Variants in CNTNAP2 observed in about 807,000 individuals in gnomAD.
CNTNAP2 encodes the protein contactin-associated protein-like 2.
Under a neutral mutation model 155.2 loss-of-function variants are expected in CNTNAP2, and 98 were observed. The ratio of observed to expected loss-of-function variants is 0.63; its 90% CI spans 0.54 to 0.75. The LOEUF (loss-of-function observed/expected upper bound fraction) is 0.75, where lower values mean the gene tolerates loss of function less well. CNTNAP2 is among the 30% of genes least tolerant of loss of function. CNTNAP2 has a pLI of 0.00. For synonymous variants in CNTNAP2, 651 were observed against 631.2 expected (o/e 1.03, Z -0.47); for missense variants, 1,727 against 1,688.1 (o/e 1.02, Z -0.40).
intron 2 of CNTNAP2, among the ~76,000 whole-genome samples, chr7:146,813,168 A>G (rs1241463229): frequency 1.3e-5 from 2 of 152,192 alleles, no homozygotes; most frequent in Non-Finnish European, 2.9e-5. Flanking sequence ...CCACTGGGGC[A>G]CTGCCTAGTG....
chr7:146,251,233 C>G (rs1799751716), intron 1 of CNTNAP2, among the ~76,000 whole-genome samples: 1 of 152,042 alleles, frequency 6.6e-6, no homozygotes, highest in South Asian at 2.1e-4. Flanking sequence ...TACCCTGATT[C>G]ATTGAAACTT....
At position 146,801,666 on chromosome 7, in the gene CNTNAP2, C is replaced by A. The variant is rs114146364; in HGVS notation, c.208+27285C>A. ...CATAATAAAGAACTGAGGCATGACACTCATTTTATTATTTTTAATTGTTTT... is the reference window on the plus strand; with the variant it reads ...CATAATAAAGAACTGAGGCATGACAATCATTTTATTATTTTTAATTGTTTT... On this transcript the variant is annotated intron_variant, in intron 2 of 23. Coordinates refer to ENST00000361727, the MANE Select transcript of CNTNAP2 (RefSeq NM_014141.6). 1.2e-3 allele frequency among the ~76,000 whole-genome samples: 185 copies of A among 152,250 alleles called. 2 individuals carry two copies. The highest frequency in any genetic ancestry group is 2.7e-3 in the African/African-American group (114 of 41,552).
intron 1 of CNTNAP2, among the ~76,000 whole-genome samples, chr7:146,276,743 A>C (rs1024044692): frequency 2.0e-5 from 3 of 152,162 alleles, no homozygotes; most frequent in African/African-American, 7.2e-5. Flanking sequence ...CTGAGGTGAA[A>C]GAGTATGAAA....
chr7:147,121,144 A>G lies in CNTNAP2; in HGVS notation c.920A>G (p.Tyr307Cys), dbSNP rs983707393. Reference sequence around the variant, plus strand: ...TTCCGTACCAATGGAGAGTTTGACTACCTGGACTTGGACTATGAGGTACAT... The same window carrying G: ...TTCCGTACCAATGGAGAGTTTGACTGCCTGGACTTGGACTATGAGGTACAT... ...QHFRTNGEFDYLDLDYEITFG... is the reference protein window; with the variant it reads ...QHFRTNGEFDCLDLDYEITFG... The change falls in exon 6 of 24, where the codon TAC (tyrosine) becomes TGC (cysteine). Residue 307 changes from tyrosine (Y) to cysteine (C), a missense_variant. Physicochemically the swap from Tyr to Cys is radical, Grantham distance 194. Transcript: ENST00000361727. 3 of 1,614,032 alleles carry G rather than the reference A, an allele frequency of 1.9e-6. No individual in the cohort carries two copies. Among genetic ancestry groups the G allele is most frequent in the African/African-American group, 1.3e-5 (1 of 74,928 alleles).
rs1171872278 is a variant in CNTNAP2, at chr7:147,253,304, C to A, written c.1349-46837C>A. ...ACCCAGAAGCACCATTTTTAACAAA[C>A]CTGGGTTCCCTAGCCACGTAGAAGC... On this transcript the variant is annotated intron_variant, in intron 8 of 23. Coordinates refer to ENST00000361727, the MANE Select transcript of CNTNAP2 (RefSeq NM_014141.6). Among the ~76,000 whole-genome samples the A allele has an allele frequency of 7.3e-5, 11 of 151,598 alleles. No individual in the cohort carries two copies. In the East Asian group the frequency reaches 1.8e-3, roughly 24 times the overall value.
At chr7:146,495,030 A>G (rs936239444) in intron 1 of CNTNAP2, among the ~76,000 whole-genome samples, 1 of 152,214 alleles carries the variant, frequency 6.6e-6, no homozygotes, top group Non-Finnish European at 1.5e-5. Context: ...AGCAGAAGCC[A>G]TGGAGTTTTA....
intron 1 of CNTNAP2, among the ~76,000 whole-genome samples, chr7:146,679,293 A>C (rs921621690): frequency 1.3e-5 from 2 of 150,762 alleles, no homozygotes; most frequent in African/African-American, 2.4e-5. Flanking sequence ...TAGTTTGCTA[A>C]GGATTATGGC....
chr7:146,639,989 T>C (rs1370278347), intron 1 of CNTNAP2, among the ~76,000 whole-genome samples: 2 of 152,204 alleles, frequency 1.3e-5, no homozygotes, highest in South Asian at 4.1e-4. Flanking sequence ...TGTGCATTTT[T>C]AAAGATGGGG....
At chr7:147,088,598 A>G (rs1184571092) in intron 4 of CNTNAP2, among the ~76,000 whole-genome samples, 7 of 152,200 alleles carry the variant, frequency 4.6e-5, no homozygotes, top group East Asian at 3.9e-4. Flanking sequence ...GTATGTAACT[A>G]AAGGGCTGGT....
At chr7:146,571,203 T>G (rs1798434996) in intron 1 of CNTNAP2, among the ~76,000 whole-genome samples, 1 of 152,138 alleles carries the variant, frequency 6.6e-6, no homozygotes, top group African/African-American at 2.4e-5. Flanking sequence ...GTACTCAAAA[T>G]AATACTGTTG....
At chr7:148,075,144 A>T (rs1803460423) in intron 15 of CNTNAP2, among the ~76,000 whole-genome samples, 1 of 152,048 alleles carries the variant, frequency 6.6e-6, no homozygotes, top group South Asian at 2.1e-4. Context: ...TTTCAGTATA[A>T]AAAAAAATTA....
At chr7:147,628,836 A>G (rs185863603) in intron 12 of CNTNAP2, among the ~76,000 whole-genome samples, 14 of 150,724 alleles carry the variant, frequency 9.3e-5, no homozygotes, top group Middle Eastern at 3.4e-3. Flanking sequence ...TTCTTCTACC[A>G]GGAAAAAACA....
chr7:147,072,233 G>A (rs1799906156), intron 4 of CNTNAP2, among the ~76,000 whole-genome samples: 1 of 152,066 alleles, frequency 6.6e-6, no homozygotes, highest in Non-Finnish European at 1.5e-5. Context: ...TGTGGCTGCA[G>A]CACCGAGATT....
In CNTNAP2 at chr7:146,519,631, G is replaced by A. The variant is rs527415597; in HGVS notation, c.98-254640G>A. Reference sequence around the variant, plus strand: ...AGTTCATTGTTGCAGATTGTCTGATGTTGACTTTCAGAAGTGAACTGAAAT... The same window carrying A: ...AGTTCATTGTTGCAGATTGTCTGATATTGACTTTCAGAAGTGAACTGAAAT... On this transcript the variant is annotated intron_variant, in intron 1 of 23. Coordinates refer to ENST00000361727, the MANE Select transcript of CNTNAP2 (RefSeq NM_014141.6). Among the ~76,000 whole-genome samples the A allele has an allele frequency of 5.9e-5, 9 of 151,958 alleles. No individual in the cohort carries two copies. In the South Asian group the frequency reaches 1.0e-3, roughly 17 times the overall value.
chr7:146,748,191 G>A lies in CNTNAP2; in HGVS notation c.98-26080G>A, dbSNP rs920718288. Among the ~76,000 whole-genome samples, 21 of 137,826 alleles carry A rather than the reference G, an allele frequency of 1.5e-4. No homozygotes were observed. The Admixed American group carries it at 1.6e-3, about 11-fold the overall frequency. 90.4% of individuals were successfully genotyped at this position (137,826 alleles called of 152,430 possible). On this transcript the variant is annotated intron_variant, in intron 1 of 23. Coordinates refer to ENST00000361727, the MANE Select transcript of CNTNAP2 (RefSeq NM_014141.6). ...GAAGGCGTCTTGCTCTGTCACCCAG[G>A]CTGGAGTACAGTGGTCGAATCTCAG...
intron 9 of CNTNAP2, among the ~76,000 whole-genome samples, chr7:147,370,833 A>G (rs2047576302): frequency 6.6e-6 from 1 of 152,180 alleles, no homozygotes; most frequent in African/African-American, 2.4e-5. Flanking sequence ...TTAGAAATTA[A>G]GCTGCATTTA....
chr7:146,246,309 A>G (rs534155027), intron 1 of CNTNAP2, among the ~76,000 whole-genome samples: 123 of 150,794 alleles, frequency 8.2e-4, no homozygotes, highest in East Asian at 7.2e-3. Flanking sequence ...TGTAGCTGTA[A>G]TCCAGGAATA....
chr7:146,797,221 A>G (rs1802787183), intron 2 of CNTNAP2, among the ~76,000 whole-genome samples: 1 of 152,222 alleles, frequency 6.6e-6, no homozygotes, highest in African/African-American at 2.4e-5. Flanking sequence ...AAATCTTATT[A>G]GTTTTCTGTT....
intron 1 of CNTNAP2, among the ~76,000 whole-genome samples, chr7:146,582,986 C>A (rs1289346093): frequency 2.6e-5 from 4 of 151,086 alleles, no homozygotes; most frequent in African/African-American, 9.7e-5. Context: ...GATAACGAGG[C>A]AACACTATGG....
Sources: allele counts gnomAD v4.1 joint callset (sites outside exome capture counted in the v4.1 genomes callset), GRCh38; gene constraint gnomAD v4.1.1; transcripts MANE v1.5; gene names NCBI Gene and HGNC (gene_info 2026-07-23, HGNC 2026-07-21).